Variants in GATA4 observed in about 807,000 individuals in gnomAD.
The protein encoded by GATA4 is GATA binding protein 4, also known as transcription factor GATA-4.
In GATA4, 7 loss-of-function variants were observed where a neutral mutation model predicts 37.9. The ratio of observed to expected loss-of-function variants is 0.18; its 90% CI spans 0.11 to 0.35. The LOEUF is 0.35. GATA4 is among the 10% of genes least tolerant of loss of function. GATA4 has a pLI of 1.00. For missense variants in GATA4, 647 were observed against 653.0 expected (o/e 0.99, Z 0.10); for synonymous variants, 372 against 292.6 (o/e 1.27, Z -2.77).
At chr8:11,746,968 C>G (rs1438391669) in intron 2 of GATA4, among the ~76,000 whole-genome samples, 1 of 152,190 alleles carries the variant, frequency 6.6e-6, no homozygotes, top group Non-Finnish European at 1.5e-5. Flanking sequence ...GGGGAGGGCC[C>G]CCCACCATCC....
chr8:11,757,748 G>A (rs907162192), intron 6 of GATA4, among the ~76,000 whole-genome samples: 5 of 152,196 alleles, frequency 3.3e-5, no homozygotes, highest in African/African-American at 1.2e-4. Flanking sequence ...ATGGCGTCTC[G>A]GCCTCCCTGC....
intron 1 of GATA4, chr8:11,697,433 T>C (rs984961703): frequency 4.4e-6 from 2 of 451,372 alleles, no homozygotes; most frequent in Non-Finnish European, 5.8e-6. Flanking sequence ...AAGAAACCGA[T>C]GATTTCTAAC....
chr8:11,702,779 C>A (rs1190110258), upstream of GATA4, among the ~76,000 whole-genome samples: 1 of 152,198 alleles, frequency 6.6e-6, no homozygotes, highest in Non-Finnish European at 1.5e-5. The surrounding 1 kb of genome is among the most constrained non-coding windows in gnomAD (Gnocchi z 4.4). Flanking sequence ...CCAGCCTGTG[C>A]GCAGGCCTTT....
At chr8:11,745,277 G>T (rs780439455) in intron 2 of GATA4, among the ~76,000 whole-genome samples, 1 of 152,048 alleles carries the variant, frequency 6.6e-6, no homozygotes, top group Non-Finnish European at 1.5e-5. Context: ...AGATTCTGGG[G>T]TGGGCACAGT....
Position 11,749,091 on chromosome 8 carries a change from C to T in GATA4, c.786+6C>T, listed in dbSNP as rs1215011630. 2 of 1,613,978 alleles carry T rather than the reference C, an allele frequency of 1.2e-6. No individual in the cohort carries two copies. Among genetic ancestry groups the T allele is most frequent in the Middle Eastern group, 3.3e-4 (2 of 6,058 alleles). On this transcript the variant is annotated splice_donor_region_variant and intron_variant, in intron 3 of 6. Coordinates refer to ENST00000532059, the MANE Select transcript of GATA4 (RefSeq NM_001308093.3). This position sits in a 1 kb window ranked among gnomAD's most constrained non-coding sequence, Gnocchi z 4.6. ...TCAAGCCTCAGCGCCGGCTGGTAAG[C>T]ACGTGCCTCGCAGCCTCCTCTGGGC...
chr8:11,750,046 C>G, intron 3 of GATA4, 65 bp from the exon 4 acceptor site: 1 of 1,611,522 alleles, frequency 6.2e-7, no homozygotes, highest in African/African-American at 1.3e-5. Flanking sequence ...CGCAGCCACA[C>G]GCGAGGTGGA....
At chr8:11,703,565 G>T (rs1799761038), upstream of GATA4, among the ~76,000 whole-genome samples, 2 of 152,350 alleles carry the variant, frequency 1.3e-5, no homozygotes, top group African/African-American at 4.8e-5. Context: ...GGGAAGTGTC[G>T]CCAGGAAGGG....
At chr8:11,697,698 T>G in intron 1 of GATA4, 1 of 985,424 alleles carries the variant, frequency 1.0e-6, no homozygotes, top group Non-Finnish European at 1.2e-6. Flanking sequence ...GTTTTCGCAC[T>G]TGGGCTTCGC....
chr8:11,678,261 G>C (rs1048285170), intron 1 of GATA4, among the ~76,000 whole-genome samples: 1 of 152,116 alleles, frequency 6.6e-6, no homozygotes, highest in African/African-American at 2.4e-5. Context: ...GGGTAGGATT[G>C]AGGGCAAAGC....
At chr8:11,692,800 C>T in intron 1 of GATA4, 1 of 982,420 alleles carries the variant, frequency 1.0e-6, no homozygotes, top group Non-Finnish European at 1.2e-6. Flanking sequence ...GGAAGCGGGG[C>T]CGGCGCAGCG....
intron 2 of GATA4, among the ~76,000 whole-genome samples, chr8:11,732,315 C>T (rs1046704760): frequency 2.2e-4 from 33 of 152,160 alleles, no homozygotes; most frequent in African/African-American, 7.7e-4. Flanking sequence ...GTATTGTCAT[C>T]GAACTATTCT....
upstream of GATA4, among the ~76,000 whole-genome samples, chr8:11,702,330 G>T (rs573939395): frequency 3.3e-5 from 5 of 152,078 alleles, no homozygotes; most frequent in African/African-American, 1.2e-4. This position sits in a 1 kb window ranked among gnomAD's most constrained non-coding sequence, Gnocchi z 4.4. Flanking sequence ...TGAGACCCCG[G>T]GTAGCGCTGG....
chr8:11,728,571 C>G (rs1026157121), intron 2 of GATA4, among the ~76,000 whole-genome samples: 1 of 150,666 alleles, frequency 6.6e-6, no homozygotes, highest in Non-Finnish European at 1.5e-5. Flanking sequence ...TCTGTAGGGG[C>G]AGGGTCTTGC....
chr8:11,703,787 T>G (rs996202055), upstream of GATA4, among the ~76,000 whole-genome samples: 3 of 152,106 alleles, frequency 2.0e-5, no homozygotes, highest in Non-Finnish European at 2.9e-5. Flanking sequence ...GCACCCCGGG[T>G]GACCCAGTGC....
intron 1 of GATA4, among the ~76,000 whole-genome samples, chr8:11,696,218 C>G (rs932460129): frequency 8.5e-5 from 13 of 152,184 alleles, no homozygotes; most frequent in African/African-American, 3.1e-4. Context: ...ACCACCATCA[C>G]AAGATATGAG....
chr8:11,701,616 G>C (rs972668542), upstream of GATA4, among the ~76,000 whole-genome samples: 1 of 152,210 alleles, frequency 6.6e-6, no homozygotes, highest in Non-Finnish European at 1.5e-5. Flanking sequence ...GAGGAAAGGA[G>C]GGAAAAGGAA....
chr8:11,698,953 T>G (rs1799586807), intron 1 of GATA4, among the ~76,000 whole-genome samples: 1 of 152,226 alleles, frequency 6.6e-6, no homozygotes, highest in South Asian at 2.1e-4. Context: ...CTCTGAGAAA[T>G]GGCAGTCCTG....
chr8:11,724,136 A>G (rs760121285), intron 2 of GATA4, among the ~76,000 whole-genome samples: 2 of 151,998 alleles, frequency 1.3e-5, no homozygotes, highest in African/African-American at 4.8e-5. Context: ...GTCAGAATGC[A>G]GCATGTCTTT....
At chr8:11,744,552 A>C (rs966862241) in intron 2 of GATA4, among the ~76,000 whole-genome samples, 1 of 152,224 alleles carries the variant, frequency 6.6e-6, no homozygotes, top group Non-Finnish European at 1.5e-5. Flanking sequence ...GTGCTTACCG[A>C]GGTTCATACC....
Sources: gnomAD v4.1 joint callset for allele counts (sites outside exome capture counted in the v4.1 genomes callset) on GRCh38, gnomAD v4.1.1 for gene constraint, Gnocchi (gnomAD v3.1) non-coding constraint, MANE v1.5 for transcripts, NCBI Gene and HGNC (gene_info 2026-07-23, HGNC 2026-07-21) for gene names.